PHF21B: variants seen among roughly 807,000 people sequenced by gnomAD.
PHF21B encodes the protein PHD finger protein 4.
Under a neutral mutation model 62.2 loss-of-function variants are expected in PHF21B, and 22 were observed. The observed-to-expected ratio is 0.35, with a 90% confidence interval of 0.25 to 0.51. The LOEUF is 0.51. PHF21B is among the 20% of genes least tolerant of loss of function. The pLI, the probability that PHF21B is intolerant of heterozygous loss-of-function variation, is 0.97. For missense variants in PHF21B, 701 were observed against 707.9 expected, an observed-to-expected ratio of 0.99 and a Z score of 0.11; for synonymous variants, 341 against 314.7, an observed-to-expected ratio of 1.08 and a Z score of -0.88.
In PHF21B at chr22:45,002,856, C is replaced by T. The variant is rs1213368176; in HGVS notation, c.120+5689G>A. ...GTTTTACTGCCAGAAAACTCAGCAG[C>T]GCCCTTACCTCCCACTGCGCGTTTC... On this transcript the variant is annotated intron_variant, in intron 2 of 12. Transcript: ENST00000313237. The T allele has an allele frequency of 3.3e-5, 5 of 152,446 alleles. No homozygotes were observed. The East Asian group carries it at 5.8e-4, about 18-fold the overall frequency. The allele number at this position is 152,446 out of a possible 1,614,324, so 9.4% of individuals were successfully genotyped here.
At chr22:44,934,493 T>C (rs571617061) in intron 2 of PHF21B, among the ~76,000 whole-genome samples, 1 of 151,790 alleles carries the variant, frequency 6.6e-6, no homozygotes, top group African/African-American at 2.4e-5. Context: ...AGTCTAGAGG[T>C]ATACCAGGAT....
rs769211384 is a variant in PHF21B, at chr22:44,920,513, G to A, written c.121-23C>T. On this transcript the variant is annotated intron_variant, in intron 2 of 12. Transcript: ENST00000313237. ...AGCCTGAAACATACAGGAGGGCAACGCTGAGACAGGAGGAGCAGCTGAGAC... is the reference window on the plus strand; with the variant it reads ...AGCCTGAAACATACAGGAGGGCAACACTGAGACAGGAGGAGCAGCTGAGAC... 8 of 1,579,882 alleles carry A rather than the reference G, an allele frequency of 5.1e-6. No individual in the cohort carries two copies. In the South Asian group the frequency reaches 5.7e-5, roughly 11 times the overall value.
intron 2 of PHF21B, among the ~76,000 whole-genome samples, chr22:44,970,718 C>G (rs1487813802): frequency 2.6e-5 from 4 of 152,126 alleles, no homozygotes; most frequent in Non-Finnish European, 4.4e-5. Context: ...GGTCCTGCCC[C>G]CTCCAGCCTC....
At chr22:44,917,092 G>A (rs2071450416) in intron 3 of PHF21B, among the ~76,000 whole-genome samples, 5 of 152,210 alleles carry the variant, frequency 3.3e-5, no homozygotes, top group Admixed American at 2.0e-4. Context: ...GTCTGGGTGG[G>A]GGCTGCTGCT....
chr22:44,919,479 T>C (rs998352067), intron 3 of PHF21B, among the ~76,000 whole-genome samples: 2 of 152,204 alleles, frequency 1.3e-5, no homozygotes, highest in Non-Finnish European at 2.9e-5. Context: ...GATTGGAAGA[T>C]TGGCCACCCC....
intron 2 of PHF21B, chr22:45,001,810 T>A (rs1415644107): frequency 6.6e-6 from 1 of 152,242 alleles, no homozygotes; most frequent in Non-Finnish European, 1.5e-5. Flanking sequence ...TGGACTTGTG[T>A]GAGAAGGTGT....
Position 44,940,403 on chromosome 22 carries a change from C to G in PHF21B, c.121-19913G>C, listed in dbSNP as rs546180675. Among the ~76,000 whole-genome samples the G allele has an allele frequency of 8.5e-5, 13 of 152,376 alleles. No homozygotes were observed. In the East Asian group the frequency reaches 2.5e-3, roughly 29 times the overall value. On this transcript the variant is annotated intron_variant, in intron 2 of 12. Coordinates refer to ENST00000313237, the MANE Select transcript of PHF21B (RefSeq NM_138415.5). ...ACAGGCACCCCTTGTCCATGCAGTC[C>G]TCCTGTTAATAAGCCGGAATAATGA... is the stretch of plus-strand genomic sequence containing the variant.
chr22:44,891,458 C>T, intron 7 of PHF21B, 98 bp from the exon 8 acceptor site: 1 of 1,430,594 alleles, frequency 7.0e-7, no homozygotes, highest in South Asian at 1.2e-5. Context: ...GGACAGGGTT[C>T]CCACCCAGGG....
At chr22:44,896,261 AAG>A (rs1192235499) in intron 5 of PHF21B, among the ~76,000 whole-genome samples, 178 bp from the exon 6 acceptor site, 2 of 152,234 alleles carry the variant, frequency 1.3e-5, no homozygotes, top group East Asian at 3.8e-4. Context: ...AGGATTTCCA[AAG>A]AGAGTATCTA....
chr22:44,921,369 T>C (rs6007387), intron 2 of PHF21B, among the ~76,000 whole-genome samples: 39,147 of 150,268 alleles, frequency 0.26, 5,797 homozygotes, highest in African/African-American at 0.41. Flanking sequence ...CTTTTTTTTT[T>C]TCTTTTTTTT....
chr22:44,961,853 T>TAAAC (rs920015566), intron 2 of PHF21B, among the ~76,000 whole-genome samples: 2 of 94,484 alleles, frequency 2.1e-5, no homozygotes, highest in African/African-American at 1.0e-4. Flanking sequence ...TCAAAATAAA[T>TAAAC]AAATAAATAA....
chr22:44,885,519 C>T lies in PHF21B; in HGVS notation c.1284G>A (p.Glu428=), dbSNP rs1036349236. The T allele has an allele frequency of 3.8e-6, 6 of 1,594,468 alleles. No homozygotes were observed. Among genetic ancestry groups the T allele is most frequent in the Middle Eastern group, 1.7e-4 (1 of 5,896 alleles). The change falls in exon 12 of 13, where the codon GAG becomes GAA. Residue 428 remains glutamate, a synonymous_variant. Coordinates refer to ENST00000313237, the MANE Select transcript of PHF21B (RefSeq NM_138415.5). ...SYVTHKTVKE[E]EKQKLLQRGS... ...CTCGTTGCAGCAGCTTCTGCTTCTCCTCTTCTTTGACTAGAAAAGAGAAGG... is the reference window on the plus strand; with the variant it reads ...CTCGTTGCAGCAGCTTCTGCTTCTCTTCTTCTTTGACTAGAAAAGAGAAGG...
At chr22:44,894,469 T>A (rs1409017468) in intron 6 of PHF21B, among the ~76,000 whole-genome samples, 2 of 152,130 alleles carry the variant, frequency 1.3e-5, no homozygotes, top group Non-Finnish European at 2.9e-5. Flanking sequence ...GCATAAGACT[T>A]CTGTCCCCAC....
At chr22:45,005,469 G>A (rs2073298641) in intron 2 of PHF21B, among the ~76,000 whole-genome samples, 1 of 152,142 alleles carries the variant, frequency 6.6e-6, no homozygotes, top group Non-Finnish European at 1.5e-5. Flanking sequence ...ACAAAAACTA[G>A]ACAGTTACAC....
At chr22:44,936,643 G>C (rs1018215072) in intron 2 of PHF21B, among the ~76,000 whole-genome samples, 1 of 152,156 alleles carries the variant, frequency 6.6e-6, no homozygotes, top group African/African-American at 2.4e-5. Context: ...TAAAAATGAA[G>C]TACATGCTGA....
chr22:44,919,205 T>G (rs112553544), intron 3 of PHF21B, among the ~76,000 whole-genome samples: 41,676 of 152,130 alleles, frequency 0.27, 6,494 homozygotes, highest in African/African-American at 0.42. Flanking sequence ...TGTCTCTTTC[T>G]GGCATGGCCC....
chr22:44,917,797 A>G (rs2071465804), intron 3 of PHF21B, among the ~76,000 whole-genome samples: 1 of 152,158 alleles, frequency 6.6e-6, no homozygotes, highest in African/African-American at 2.4e-5. Context: ...TGGCTCCTAC[A>G]GGGCCCTGTG....
intron 2 of PHF21B, among the ~76,000 whole-genome samples, chr22:44,986,034 A>G (rs1275193229): frequency 6.6e-6 from 1 of 151,806 alleles, no homozygotes; most frequent in Non-Finnish European, 1.5e-5. Flanking sequence ...CACCATCACC[A>G]TCAGCACCAC....
chr22:44,934,514 G>A (rs2071806760), intron 2 of PHF21B, among the ~76,000 whole-genome samples: 1 of 152,124 alleles, frequency 6.6e-6, no homozygotes, highest in Admixed American at 6.6e-5. Context: ...GGCGTGGTCA[G>A]GAACAGAGCC....
Sources: gnomAD v4.1 joint callset for allele counts (sites outside exome capture counted in the v4.1 genomes callset) on GRCh38, gnomAD v4.1.1 for gene constraint, MANE v1.5 for transcripts, NCBI Gene and HGNC (gene_info 2026-07-23, HGNC 2026-07-21) for gene names.